Variants in KIAA2012 observed in about 807,000 individuals in gnomAD.
KIAA2012 encodes the protein uncharacterized protein KIAA2012.
In KIAA2012, 125 loss-of-function variants were observed where a neutral mutation model predicts 150.6. The observed-to-expected ratio is 0.83, with a 90% CI of 0.72 to 0.96. The LOEUF (loss-of-function observed/expected upper bound fraction) is 0.96. Ranked by LOEUF, KIAA2012 falls within the 40% of genes least tolerant of loss-of-function variation. The pLI, the probability that KIAA2012 is intolerant of heterozygous loss-of-function variation, is 0.00. For synonymous variants in KIAA2012, 462 were observed against 504.7 expected (o/e 0.92, Z 1.13); for missense variants, 1,219 against 1,354.9 (o/e 0.90, Z 1.57).
chr2:202,111,983 A>G (rs1454245713), intron 10 of KIAA2012, among the ~76,000 whole-genome samples: 1 of 152,202 alleles, frequency 6.6e-6, no homozygotes, highest in Non-Finnish European at 1.5e-5. Flanking sequence ...GAAGGTAAGT[A>G]TGGTATAATA....
chr2:202,201,774 G>A, intron 22 of KIAA2012: 3 of 1,315,508 alleles, frequency 2.3e-6, no homozygotes, highest in Admixed American at 1.7e-5. Context: ...GGCAGTCGGA[G>A]CATCAGTATA....
At chr2:202,183,574 A>T (rs950702531) in intron 15 of KIAA2012, among the ~76,000 whole-genome samples, 2 of 149,676 alleles carry the variant, frequency 1.3e-5, no homozygotes, top group African/African-American at 4.9e-5. Flanking sequence ...TGCTATCTAA[A>T]CTTACTGCAA....
At chr2:202,094,872 G>T (rs1420856368) in intron 4 of KIAA2012, among the ~76,000 whole-genome samples, 1 of 152,104 alleles carries the variant, frequency 6.6e-6, no homozygotes, top group African/African-American at 2.4e-5. Context: ...GGGATAAAGT[G>T]ACTTTCCTAA....
chr2:202,158,080 C>T (rs938029272), intron 14 of KIAA2012, among the ~76,000 whole-genome samples: 2 of 152,056 alleles, frequency 1.3e-5, no homozygotes, highest in Non-Finnish European at 2.9e-5. Context: ...CTGCAAGCTC[C>T]CCCTCCTGGG....
intron 11 of KIAA2012, among the ~76,000 whole-genome samples, chr2:202,124,410 G>A (rs1690728941): frequency 6.6e-6 from 1 of 152,106 alleles, no homozygotes; most frequent in Non-Finnish European, 1.5e-5. Context: ...ATCAGGGGCT[G>A]TGAAAAAGCC....
Position 202,202,435 on chromosome 2 carries a change from A to G in KIAA2012, c.3414A>G (p.Lys1138=), listed in dbSNP as rs1692549147. ...GGTGGGGTTGTCTCCTTAGGCAAAA[A>G]GCTGCTTTGGAGAAACATTTTCATT... ...TKQAQEQARQ[K]AALEKHFHFY... The change falls in exon 23 of 24, where the codon AAA becomes AAG. Residue 1138 remains lysine, a synonymous_variant. Coordinates refer to ENST00000498697, the MANE Select transcript of KIAA2012 (RefSeq NM_001277372.4). 2 of 399,704 alleles carry G rather than the reference A, an allele frequency of 5.0e-6. No homozygotes were observed. The highest frequency in any genetic ancestry group is 8.8e-6 in the Non-Finnish European group (2 of 226,618). The allele number at this position is 399,704 out of a possible 1,614,324, so 24.8% of individuals were successfully genotyped here.
Position 202,190,440 on chromosome 2 carries a change from G to A in KIAA2012, c.2758G>A (p.Val920Ile), listed in dbSNP as rs1342825149. 1.3e-6 allele frequency: 2 copies of A among 1,547,654 alleles called. No homozygotes were observed. The highest frequency in any genetic ancestry group is 2.7e-5 in the African/African-American group (2 of 72,780). Reference sequence around the variant, plus strand: ...ATCATCACCCTCTCAGATTGCAACTGTCACTGGCAACATGGAATCTAAAGA... The same window carrying A: ...ATCATCACCCTCTCAGATTGCAACTATCACTGGCAACATGGAATCTAAAGA... ...GRSSPSQIAT[V>I]TGNMESKEER... Residue 920 changes from valine (V) to isoleucine (I), a missense_variant, in exon 19 of 24, where the codon GTC (valine) becomes ATC (isoleucine). Physicochemically the swap from Val to Ile is conservative, Grantham distance 29 (BLOSUM62 3). Coordinates refer to ENST00000498697, the MANE Select transcript of KIAA2012 (RefSeq NM_001277372.4).
intron 14 of KIAA2012, among the ~76,000 whole-genome samples, chr2:202,162,496 A>G (rs771705324): frequency 6.6e-6 from 1 of 151,348 alleles, no homozygotes; most frequent in Non-Finnish European, 1.5e-5. Context: ...GCTGGTCTCG[A>G]ACTCCTGACC....
At chr2:202,113,639 T>C (rs916930091) in intron 11 of KIAA2012, 193 bp downstream of exon 11, 1 of 566,172 alleles carries the variant, frequency 1.8e-6, no homozygotes, top group Non-Finnish European at 3.2e-6. Flanking sequence ...GCATAACAAG[T>C]TTACTCTTGC....
intron 8 of KIAA2012, 59 bp downstream of exon 8, chr2:202,103,173 C>T (rs948200559): frequency 2.7e-6 from 4 of 1,483,464 alleles, no homozygotes; most frequent in Non-Finnish European, 3.7e-6. Flanking sequence ...GGTCCTGCCA[C>T]TTCTACATGC....
chr2:202,112,965 C>A (rs983312280), intron 10 of KIAA2012, among the ~76,000 whole-genome samples: 2 of 152,142 alleles, frequency 1.3e-5, no homozygotes, highest in Non-Finnish European at 2.9e-5. Context: ...AGGCAGGAAG[C>A]AGGAAGCCCT....
At chr2:202,132,747 A>ATATATAGTATATATGT (rs373235755) in intron 12 of KIAA2012, among the ~76,000 whole-genome samples, 6 of 104,366 alleles carry the variant, frequency 5.7e-5, no homozygotes, top group African/African-American at 2.3e-4. Flanking sequence ...GTATATATAT[A>ATATATAGTATATATGT]GTATATATGT....
At chr2:202,204,337 A>G (rs575553771) in intron 23 of KIAA2012, among the ~76,000 whole-genome samples, 2 of 152,242 alleles carry the variant, frequency 1.3e-5, no homozygotes, top group African/African-American at 2.4e-5. Flanking sequence ...TCAGCCTTCC[A>G]AAGTGCTGGG....
At chr2:202,093,655 C>T (rs1331422483) in intron 4 of KIAA2012, among the ~76,000 whole-genome samples, 1 of 152,100 alleles carries the variant, frequency 6.6e-6, no homozygotes, top group Non-Finnish European at 1.5e-5. Flanking sequence ...AAATGTGTAT[C>T]GAAATGGCTG....
chr2:202,186,978 A>T lies in KIAA2012; in HGVS notation c.2256A>T (p.Gly752=), dbSNP rs752124358. 1.3e-6 allele frequency: 2 copies of T among 1,550,644 alleles called. No individual in the cohort carries two copies. The highest frequency in any genetic ancestry group is 1.2e-5 in the South Asian group (1 of 84,060). ...ACCACCTACACAGAGGACTTCTGGG[A>T]TACGGGCCTGAGTCACCCGAGAGGT... ...DVHHLHRGLL[G]YGPESPERLS... is the part of the protein sequence containing the mutation. Residue 752 remains glycine (G), a synonymous_variant, in exon 17 of 24, where the codon GGA becomes GGT. Transcript: ENST00000498697.
intron 15 of KIAA2012, among the ~76,000 whole-genome samples, chr2:202,168,838 G>A (rs1691827116): frequency 6.6e-6 from 1 of 152,132 alleles, no homozygotes; most frequent in Non-Finnish European, 1.5e-5. Context: ...ACAATGTGGG[G>A]GTGGGGACGA....
chr2:202,086,183 AAAAG>A (rs982555631), intron 2 of KIAA2012, among the ~76,000 whole-genome samples: 4 of 150,314 alleles, frequency 2.7e-5, no homozygotes, highest in African/African-American at 7.4e-5. Flanking sequence ...AAAAAAAAAA[AAAAG>A]AAAGAAAGAA....
chr2:202,148,218 C>G (rs1691341550), intron 13 of KIAA2012, among the ~76,000 whole-genome samples: 1 of 152,108 alleles, frequency 6.6e-6, no homozygotes, highest in African/African-American at 2.4e-5. Context: ...AGCTGAGGCA[C>G]AGAATGACTT....
Position 202,093,109 on chromosome 2 carries a change from A to G in KIAA2012, c.609A>G (p.Ser203=). The G allele has an allele frequency of 2.6e-6, 4 of 1,551,028 alleles. No individual in the cohort carries two copies. The highest frequency in any genetic ancestry group is 3.5e-6 in the Non-Finnish European group (4 of 1,147,048). ...AGCTCAGGCCACAACAAGATCTTTC[A>G]GGTGTACCCCCAAAATACCATCTCC... ...PKKLRPQQDL[S]GVPPKYHLLP... is the part of the protein sequence containing the mutation. Residue 203 remains serine (S), a synonymous_variant, in exon 4 of 24, where the codon TCA becomes TCG. Transcript: ENST00000498697.
Sources: gnomAD v4.1 joint callset for allele counts (sites outside exome capture counted in the v4.1 genomes callset) on GRCh38, gnomAD v4.1.1 for gene constraint, MANE v1.5 for transcripts, NCBI Gene and HGNC (gene_info 2026-07-23, HGNC 2026-07-21) for gene names.